CHCHD6: variants seen among roughly 807,000 people sequenced by gnomAD.
The protein encoded by CHCHD6 is MICOS complex subunit MIC25.
A neutral mutation model predicts 32.3 loss-of-function variants in CHCHD6; 28 were observed. The observed-to-expected ratio is 0.87, with a 90% confidence interval of 0.64 to 1.19. CHCHD6 has a LOEUF of 1.19. Ranked by LOEUF, CHCHD6 falls within the 50% of genes most tolerant of loss-of-function variation. The pLI is 0.00. For synonymous variants in CHCHD6, 122 were observed against 117.5 expected, an observed-to-expected ratio of 1.04 and a Z score of -0.25; for missense variants, 333 against 307.0, an observed-to-expected ratio of 1.08 and a Z score of -0.63.
intron 4 of CHCHD6, among the ~76,000 whole-genome samples, chr3:126,796,613 C>G (rs1387233714): frequency 6.6e-6 from 1 of 152,142 alleles, no homozygotes; most frequent in East Asian, 1.9e-4. Context: ...GGCTGTACAC[C>G]TGGCCCAGAT....
chr3:126,943,589 C>T (rs2078593440), intron 6 of CHCHD6, among the ~76,000 whole-genome samples: 2 of 152,164 alleles, frequency 1.3e-5, no homozygotes, highest in Non-Finnish European at 2.9e-5. Flanking sequence ...TGCAGTCCCC[C>T]TTTTTCTGGG....
chr3:126,817,148 C>A (rs544220639), intron 4 of CHCHD6, among the ~76,000 whole-genome samples: 1 of 152,160 alleles, frequency 6.6e-6, no homozygotes, highest in Non-Finnish European at 1.5e-5. Context: ...TCGCCGACTG[C>A]TCTCTCTGGG....
intron 4 of CHCHD6, among the ~76,000 whole-genome samples, chr3:126,811,570 C>T (rs1278227229): frequency 7.3e-5 from 11 of 150,590 alleles, no homozygotes; most frequent in African/African-American, 2.0e-4. Context: ...TTTTTTTTTC[C>T]CCTGCCCCAA....
rs760134222 is a variant in CHCHD6, at chr3:126,852,737, C to G, written c.495+7C>G. ...GGAGCGTATTGAGAGGAAGGTAAGACTCCTGCTTGGCTGCATTCCTCGGGG... is the reference window on the plus strand; with the variant it reads ...GGAGCGTATTGAGAGGAAGGTAAGAGTCCTGCTTGGCTGCATTCCTCGGGG... On this transcript the variant is annotated splice_region_variant and intron_variant, in intron 5 of 7. Transcript: ENST00000290913. The G allele has an allele frequency of 1.2e-6, 2 of 1,600,516 alleles. No homozygotes were observed. The highest frequency in any genetic ancestry group is 2.7e-5 in the African/African-American group (2 of 74,632).
At chr3:126,922,599 C>T (rs2078266632) in intron 6 of CHCHD6, among the ~76,000 whole-genome samples, 1 of 151,026 alleles carries the variant, frequency 6.6e-6, no homozygotes, top group African/African-American at 2.4e-5. Context: ...TGGCTGTGCC[C>T]TTCCCTGAAT....
chr3:126,726,105 C>T (rs1028216629), intron 1 of CHCHD6, among the ~76,000 whole-genome samples: 4 of 152,332 alleles, frequency 2.6e-5, no homozygotes, highest in East Asian at 1.9e-4. Context: ...TCTTAGCTTT[C>T]GACATGCCTT....
intron 1 of CHCHD6, among the ~76,000 whole-genome samples, chr3:126,706,139 G>A (rs984206236): frequency 6.6e-5 from 10 of 152,188 alleles, no homozygotes; most frequent in African/African-American, 2.4e-4. Context: ...CTGTTTTGGG[G>A]AATGTTGGAA....
At chr3:126,925,056 G>A (rs1255475229) in intron 6 of CHCHD6, among the ~76,000 whole-genome samples, 1 of 152,198 alleles carries the variant, frequency 6.6e-6, no homozygotes, top group Admixed American at 6.5e-5. Flanking sequence ...GTGCTGTCAG[G>A]TGCATCCAAA....
chr3:126,786,514 G>A (rs959511377), intron 4 of CHCHD6, among the ~76,000 whole-genome samples: 4 of 152,068 alleles, frequency 2.6e-5, no homozygotes, highest in African/African-American at 7.2e-5. Flanking sequence ...TTTAATGATT[G>A]CCATTCTAAC....
chr3:126,714,130 T>G (rs1334091886), intron 1 of CHCHD6, among the ~76,000 whole-genome samples: 1 of 151,506 alleles, frequency 6.6e-6, no homozygotes. Flanking sequence ...TAAAATTTAT[T>G]TTTAGCTTTT....
At chr3:126,751,177 A>G (rs1194613039) in intron 4 of CHCHD6, among the ~76,000 whole-genome samples, 1 of 149,250 alleles carries the variant, frequency 6.7e-6, no homozygotes, top group Non-Finnish European at 1.5e-5. Flanking sequence ...CTCTGGTTGC[A>G]CTTCTTTGAA....
chr3:126,760,049 G>A (rs1044395821), intron 4 of CHCHD6, among the ~76,000 whole-genome samples: 1 of 152,172 alleles, frequency 6.6e-6, no homozygotes, highest in Non-Finnish European at 1.5e-5. Context: ...TTGAAAACTT[G>A]CTCACTGTGG....
chr3:126,756,998 T>G (rs1936977424), intron 4 of CHCHD6, among the ~76,000 whole-genome samples: 1 of 152,220 alleles, frequency 6.6e-6, no homozygotes, highest in African/African-American at 2.4e-5. Context: ...TATTACAGAT[T>G]TCTACCTCTT....
At chr3:126,749,166 C>T (rs1337189894) in intron 4 of CHCHD6, among the ~76,000 whole-genome samples, 1 of 152,032 alleles carries the variant, frequency 6.6e-6, no homozygotes, top group Non-Finnish European at 1.5e-5. Flanking sequence ...GGTGGGGACT[C>T]ATGGGCATGG....
chr3:126,834,066 A>AAAT (rs1553744330), intron 4 of CHCHD6, among the ~76,000 whole-genome samples: 1 of 149,206 alleles, frequency 6.7e-6, no homozygotes, highest in Admixed American at 6.6e-5. Context: ...AAAAAAAAAA[A>AAAT]AAAAAAAAAA....
At chr3:126,735,893 A>G (rs1034972065) in intron 4 of CHCHD6, among the ~76,000 whole-genome samples, 10 of 152,176 alleles carry the variant, frequency 6.6e-5, no homozygotes, top group African/African-American at 1.4e-4. Context: ...GGCATCTCCT[A>G]TAGGAGGTGC....
intron 5 of CHCHD6, among the ~76,000 whole-genome samples, chr3:126,863,993 C>T (rs1477793327): frequency 2.7e-5 from 4 of 149,232 alleles, no homozygotes; most frequent in African/African-American, 9.9e-5. Context: ...TCCACCATCA[C>T]TACCTTCTCC....
chr3:126,840,603 A>G (rs756626833), intron 4 of CHCHD6, among the ~76,000 whole-genome samples: 21 of 152,134 alleles, frequency 1.4e-4, no homozygotes, highest in Admixed American at 3.3e-4. Flanking sequence ...TGTCCTTGAG[A>G]TATGCCTTTT....
chr3:126,864,684 C>T (rs111161452), intron 5 of CHCHD6, among the ~76,000 whole-genome samples: 14 of 146,336 alleles, frequency 9.6e-5, no homozygotes, highest in African/African-American at 3.2e-4. Context: ...TCATCTCCTC[C>T]TCCTCCTCCA....
Sources: gnomAD v4.1 joint callset for allele counts (sites outside exome capture counted in the v4.1 genomes callset) on GRCh38, gnomAD v4.1.1 for gene constraint, MANE v1.5 for transcripts, NCBI Gene and HGNC (gene_info 2026-07-23, HGNC 2026-07-21) for gene names.